Variants in CNTN4 observed in about 807,000 individuals in gnomAD.
The protein encoded by CNTN4 is contactin 4.
Under a neutral mutation model 122.5 loss-of-function variants are expected in CNTN4, and 77 were observed. That is an observed-to-expected ratio of 0.63 (90% CI 0.52 to 0.76). The LOEUF (loss-of-function observed/expected upper bound fraction) is 0.76. Ranked by LOEUF, CNTN4 falls within the 30% of genes least tolerant of loss-of-function variation. The probability of loss-of-function intolerance (pLI) is 0.00; values close to 1 mark genes in which losing one functional copy is unlikely to be tolerated. For synonymous variants in CNTN4, 512 were observed against 447.0 expected, an observed-to-expected ratio of 1.15 and a Z score of -1.83; for missense variants, 1,256 against 1,259.1, an observed-to-expected ratio of 1.00 and a Z score of 0.04.
chr3:2,900,204 T>G (rs151084417), intron 10 of CNTN4, among the ~76,000 whole-genome samples: 165 of 152,242 alleles, frequency 1.1e-3, no homozygotes, highest in African/African-American at 3.7e-3. Flanking sequence ...TTACGGAAAA[T>G]ATCTTTAAGT....
At chr3:2,256,346 G>A (rs36172022) in intron 2 of CNTN4, among the ~76,000 whole-genome samples, 1 of 152,074 alleles carries the variant, frequency 6.6e-6, no homozygotes, top group African/African-American at 2.4e-5. Context: ...ATTTACAGCC[G>A]AATTCTACCA....
chr3:3,055,763 C>G lies in CNTN4; in HGVS notation c.2981-357C>G, dbSNP rs537474839. Among the ~76,000 whole-genome samples the G allele has an allele frequency of 2.0e-5, 3 of 152,318 alleles. No individual in the cohort carries two copies. The South Asian group carries it at 6.2e-4, about 32-fold the overall frequency. ...TGCAAGATTTAAGTGTCATATTCATCTGTGCCCAGCAGAAAGATAGAGTTC... is the reference window on the plus strand; with the variant it reads ...TGCAAGATTTAAGTGTCATATTCATGTGTGCCCAGCAGAAAGATAGAGTTC... On this transcript the variant is annotated intron_variant, in intron 24 of 24. Transcript: ENST00000418658.
chr3:2,595,210 G>T (rs545026785), intron 4 of CNTN4, among the ~76,000 whole-genome samples: 2 of 152,260 alleles, frequency 1.3e-5, no homozygotes, highest in South Asian at 2.1e-4. Context: ...TATTTCTGAT[G>T]CATCCTTTCT....
chr3:2,537,053 A>G (rs1159133527), intron 3 of CNTN4, among the ~76,000 whole-genome samples: 2 of 152,122 alleles, frequency 1.3e-5, no homozygotes, highest in Admixed American at 6.6e-5. Context: ...ACCCACTAGC[A>G]TCTGTAGTAT....
intron 7 of CNTN4, among the ~76,000 whole-genome samples, chr3:2,820,415 C>T (rs186459567): frequency 4.6e-5 from 7 of 152,298 alleles, no homozygotes; most frequent in African/African-American, 1.7e-4. Flanking sequence ...ATCCTCCCCA[C>T]ATGTAGATGC....
intron 2 of CNTN4, among the ~76,000 whole-genome samples, chr3:2,249,165 G>C (rs1409089219): frequency 6.6e-6 from 1 of 151,576 alleles, no homozygotes; most frequent in African/African-American, 2.4e-5. Flanking sequence ...AAAAAACATT[G>C]TAGATGGGCT....
intron 3 of CNTN4, among the ~76,000 whole-genome samples, chr3:2,448,737 A>G (rs1192552638): frequency 6.6e-6 from 1 of 152,206 alleles, no homozygotes; most frequent in African/African-American, 2.4e-5. Flanking sequence ...TATAGAGAAT[A>G]TGTTACTTCC....
chr3:2,747,379 A>G (rs1487945251), intron 6 of CNTN4, among the ~76,000 whole-genome samples: 1 of 151,394 alleles, frequency 6.6e-6, no homozygotes, highest in African/African-American at 2.4e-5. Context: ...ACTGGACTCC[A>G]GCCTGGGCGA....
Position 2,592,693 on chromosome 3 carries a change from A to G in CNTN4, c.55+21135A>G, listed in dbSNP as rs549940912. ...CCCAGACACGTAGAACTGTAAGTCCATTAAACCTCTCTCTTTTGTAAATTG... is the reference window on the plus strand; with the variant it reads ...CCCAGACACGTAGAACTGTAAGTCCGTTAAACCTCTCTCTTTTGTAAATTG... On this transcript the variant is annotated intron_variant, in intron 4 of 24. Coordinates refer to ENST00000418658, the MANE Select transcript of CNTN4 (RefSeq NM_175607.3). Among the ~76,000 whole-genome samples the G allele has an allele frequency of 2.4e-3, 364 of 152,338 alleles. 2 individuals are homozygous for G. Among genetic ancestry groups the G allele is most frequent in the Non-Finnish European group, 4.1e-3 (277 of 68,022 alleles).
intron 14 of CNTN4, among the ~76,000 whole-genome samples, chr3:3,006,584 C>T (rs781236384): frequency 4.6e-5 from 7 of 152,148 alleles, no homozygotes; most frequent in Non-Finnish European, 1.0e-4. Flanking sequence ...TTTTACTATA[C>T]CTTATTGTCT....
At chr3:2,413,636 C>T (rs2047309340) in intron 3 of CNTN4, among the ~76,000 whole-genome samples, 1 of 151,866 alleles carries the variant, frequency 6.6e-6, no homozygotes, top group Non-Finnish European at 1.5e-5. Flanking sequence ...CTCCACCTCT[C>T]AGGTTCAAGT....
chr3:2,400,420 T>TATATAC (rs1553640895), intron 3 of CNTN4, among the ~76,000 whole-genome samples: 1 of 56,964 alleles, frequency 1.8e-5, no homozygotes, highest in African/African-American at 5.2e-5. Flanking sequence ...TATATATATA[T>TATATAC]ATATATACAT....
rs550404446 is a variant in CNTN4, at chr3:2,351,021, C to T, written c.-89+11788C>T. ...TATACCTTAATTTCTGTACAATGTACTGGTTCCTTGTTTTAGTGATTCTGT... is the reference window on the plus strand; with the variant it reads ...TATACCTTAATTTCTGTACAATGTATTGGTTCCTTGTTTTAGTGATTCTGT... On this transcript the variant is annotated intron_variant, in intron 3 of 24. Coordinates refer to ENST00000418658, the MANE Select transcript of CNTN4 (RefSeq NM_175607.3). 2.1e-4 allele frequency among the ~76,000 whole-genome samples: 32 copies of T among 152,268 alleles called. 1 individual carries two copies. Among genetic ancestry groups the T allele is most frequent in the African/African-American group, 6.5e-4 (27 of 41,552 alleles).
chr3:2,435,912 G>C (rs1020396484), intron 3 of CNTN4, among the ~76,000 whole-genome samples: 1 of 152,108 alleles, frequency 6.6e-6, no homozygotes, highest in Non-Finnish European at 1.5e-5. Flanking sequence ...TCTGGTTGTC[G>C]ACTTAAACTG....
At position 2,261,994 on chromosome 3, in the gene CNTN4, C is replaced by G. The variant is rs1357498; in HGVS notation, c.-144-77184C>G. Among the ~76,000 whole-genome samples the G allele has an allele frequency of 3.9e-5, 6 of 152,022 alleles. No individual in the cohort carries two copies. The East Asian group carries it at 7.7e-4, about 20-fold the overall frequency. On this transcript the variant is annotated intron_variant, in intron 2 of 24. Transcript: ENST00000418658. The stretch of plus-strand genomic sequence containing the variant: ...CAAATCACATTGTCTCTACTTATTA[C>G]CCAGGCTTTTCTCCAGCTGGTAAAA...
intron 3 of CNTN4, among the ~76,000 whole-genome samples, chr3:2,368,134 G>T (rs920863854): frequency 6.8e-6 from 1 of 148,042 alleles, no homozygotes; most frequent in African/African-American, 2.5e-5. Context: ...CTGGGTTCAT[G>T]CCATTCTCCT....
intron 3 of CNTN4, among the ~76,000 whole-genome samples, chr3:2,360,699 G>A (rs940979091): frequency 6.6e-6 from 1 of 152,100 alleles, no homozygotes; most frequent in Non-Finnish European, 1.5e-5. Context: ...CCAAGTAAAG[G>A]GGGAAGAGCC....
At chr3:2,198,371 T>C (rs2068201209) in intron 2 of CNTN4, among the ~76,000 whole-genome samples, 3 of 152,214 alleles carry the variant, frequency 2.0e-5, no homozygotes, top group Admixed American at 2.0e-4. Flanking sequence ...TTGTCAGCTT[T>C]CAAGTTTGTA....
chr3:2,824,993 A>G (rs887804923), intron 7 of CNTN4, among the ~76,000 whole-genome samples: 2 of 152,074 alleles, frequency 1.3e-5, no homozygotes, highest in Non-Finnish European at 2.9e-5. Context: ...AAATGTAGTT[A>G]CCTTAGGCTT....
Sources: allele counts gnomAD v4.1 joint callset (sites outside exome capture counted in the v4.1 genomes callset), GRCh38; gene constraint gnomAD v4.1.1; transcripts MANE v1.5; gene names NCBI Gene and HGNC (gene_info 2026-07-23, HGNC 2026-07-21).